The following TMEM273 variants were observed in gnomAD, a reference collection of about 807,000 sequenced individuals.
The protein encoded by TMEM273 is chromosome 10 open reading frame 128.
Under a neutral mutation model 17.9 loss-of-function variants are expected in TMEM273, and 19 were observed. That is an observed-to-expected ratio of 1.06 (90% CI 0.74 to 1.55). The LOEUF (loss-of-function observed/expected upper bound fraction) is 1.55, where lower values mean the gene tolerates loss of function less well. TMEM273 is among the 40% of genes most tolerant of loss of function. The probability of loss-of-function intolerance (pLI) is 0.00; values close to 1 mark genes in which losing one functional copy is unlikely to be tolerated. For missense variants in TMEM273, 194 were observed against 155.6 expected (o/e 1.25, Z -1.31); for synonymous variants, 66 against 62.0 (o/e 1.07, Z -0.31).
intron 6 of TMEM273, among the ~76,000 whole-genome samples, chr10:49,159,928 G>A (rs1845740038): frequency 6.6e-6 from 1 of 152,018 alleles, no homozygotes; most frequent in South Asian, 2.1e-4. Flanking sequence ...GCAACAATTT[G>A]GGCTTCAGAA....
intron 1 of TMEM273, among the ~76,000 whole-genome samples, chr10:49,169,511 C>T (rs1484690006): frequency 6.6e-6 from 1 of 152,186 alleles, no homozygotes; most frequent in Non-Finnish European, 1.5e-5. Context: ...ATTCCCCAAG[C>T]TTTTTCTAAA....
At chr10:49,178,355 G>T (rs1847130622) in intron 1 of TMEM273, 1 of 454,928 alleles carries the variant, frequency 2.2e-6, no homozygotes, top group Non-Finnish European at 4.4e-6. Context: ...TCAAACAAGT[G>T]CTAATTACTG....
intron 5 of TMEM273, among the ~76,000 whole-genome samples, chr10:49,162,894 T>C (rs1298749531): frequency 6.6e-6 from 1 of 152,242 alleles, no homozygotes; most frequent in Non-Finnish European, 1.5e-5. Flanking sequence ...CCTCCTCATG[T>C]CCTCCAAGAG....
intron 1 of TMEM273, among the ~76,000 whole-genome samples, chr10:49,178,681 A>G (rs894968642): frequency 6.6e-6 from 1 of 152,124 alleles, no homozygotes; most frequent in Non-Finnish European, 1.5e-5. Flanking sequence ...AGCATTCAAT[A>G]AGACTCCTCC....
chr10:49,186,068 G>GGAAGAAGAAGAAGAATAAGAA (rs1847670081), intron 1 of TMEM273, among the ~76,000 whole-genome samples: 8 of 67,090 alleles, frequency 1.2e-4, no homozygotes, highest in African/African-American at 4.1e-4. Context: ...AAGAAGAAGA[G>GGAAGAAGAAGAAGAATAAGAA]GAAGAAGAAG....
intron 6 of TMEM273, 138 bp downstream of exon 6, chr10:49,161,461 G>A: frequency 1.9e-6 from 2 of 1,039,962 alleles, no homozygotes; most frequent in South Asian, 2.7e-5. Flanking sequence ...GTCCTGGCAT[G>A]AGGGCTCCTG....
At chr10:49,174,535 A>G (rs918578251) in intron 1 of TMEM273, among the ~76,000 whole-genome samples, 1 of 152,074 alleles carries the variant, frequency 6.6e-6, no homozygotes, top group Non-Finnish European at 1.5e-5. Context: ...CTCTTCCTCA[A>G]TCACCCTCCA....
intron 6 of TMEM273, among the ~76,000 whole-genome samples, chr10:49,158,805 T>G (rs1356495486): frequency 6.6e-6 from 1 of 152,040 alleles, no homozygotes; most frequent in Non-Finnish European, 1.5e-5. Context: ...AAAGAAAAAA[T>G]TGGATCTTAA....
At chr10:49,158,956 G>A (rs1158384976) in intron 6 of TMEM273, among the ~76,000 whole-genome samples, 1 of 152,090 alleles carries the variant, frequency 6.6e-6, no homozygotes, top group African/African-American at 2.4e-5. Flanking sequence ...TTTAAAAAGT[G>A]TGTCTATATA....
intron 1 of TMEM273, among the ~76,000 whole-genome samples, chr10:49,169,160 G>C (rs754393836): frequency 1.3e-5 from 2 of 152,190 alleles, no homozygotes; most frequent in Non-Finnish European, 2.9e-5. Flanking sequence ...GGGCTGCATG[G>C]ACTTGGGCTG....
At chr10:49,183,533 G>C (rs1467303286) in intron 1 of TMEM273, among the ~76,000 whole-genome samples, 2 of 152,058 alleles carry the variant, frequency 1.3e-5, no homozygotes, top group African/African-American at 2.4e-5. Context: ...TTTTTAAAAA[G>C]TTAAAAAGTC....
At chr10:49,177,244 C>T (rs1847041044) in intron 1 of TMEM273, among the ~76,000 whole-genome samples, 1 of 152,208 alleles carries the variant, frequency 6.6e-6, no homozygotes, top group African/African-American at 2.4e-5. Flanking sequence ...GTGGAGGGAT[C>T]AGGTGCAGTT....
At chr10:49,186,123 A>G (rs35179084) in intron 1 of TMEM273, among the ~76,000 whole-genome samples, 35,158 of 75,932 alleles carry the variant, frequency 0.46, 4,902 homozygotes, top group South Asian at 0.58. Context: ...AGAAGAAGAA[A>G]AAGAGGAAGA....
chr10:49,162,339 G>C (rs2804933), intron 5 of TMEM273, among the ~76,000 whole-genome samples: 96,024 of 152,020 alleles, frequency 0.63, 30,681 homozygotes, highest in African/African-American at 0.71. Context: ...CACACATATA[G>C]ACAGGCAATA....
At chr10:49,181,531 A>G (rs561586374) in intron 1 of TMEM273, among the ~76,000 whole-genome samples, 3 of 152,354 alleles carry the variant, frequency 2.0e-5, no homozygotes, top group Admixed American at 6.5e-5. Flanking sequence ...TGGAAAAGAA[A>G]AGAGAACCCC....
chr10:49,182,532 A>G (rs547882777), intron 1 of TMEM273, among the ~76,000 whole-genome samples: 8 of 152,352 alleles, frequency 5.3e-5, no homozygotes, highest in African/African-American at 1.9e-4. Context: ...AATAATACAT[A>G]GATTTCAGCA....
At chr10:49,178,321 G>A (rs982876512) in intron 1 of TMEM273, 7 of 456,766 alleles carry the variant, frequency 1.5e-5, no homozygotes, top group African/African-American at 4.0e-5. Flanking sequence ...AGAGGCTGAT[G>A]TTCCACTTCG....
chr10:49,181,807 A>T (rs948557629), intron 1 of TMEM273, among the ~76,000 whole-genome samples: 11 of 148,196 alleles, frequency 7.4e-5, no homozygotes, highest in African/African-American at 2.7e-4. Context: ...CATGCTATCA[A>T]AAGCACAGTC....
chr10:49,159,793 TG>T (rs935814134), intron 6 of TMEM273, among the ~76,000 whole-genome samples: 4 of 151,902 alleles, frequency 2.6e-5, no homozygotes, highest in African/African-American at 9.7e-5. Flanking sequence ...GTGCTACCCT[TG>T]GGAGCAGGTC....
Sources: allele counts gnomAD v4.1 joint callset (sites outside exome capture counted in the v4.1 genomes callset), GRCh38; gene constraint gnomAD v4.1.1; transcripts MANE v1.5; gene names NCBI Gene and HGNC (gene_info 2026-07-23, HGNC 2026-07-21).